BLVRA: variants seen among roughly 807,000 people sequenced by gnomAD.
BLVRA encodes the protein BVR A.
A neutral mutation model predicts 32.8 loss-of-function variants in BLVRA; 22 were observed. The ratio of observed to expected loss-of-function variants is 0.67; its 90% CI spans 0.48 to 0.96. The LOEUF is 0.96. Ranked by LOEUF, BLVRA falls within the 40% of genes least tolerant of loss-of-function variation. The probability of loss-of-function intolerance (pLI) is 0.00; values close to 1 mark genes in which losing one functional copy is unlikely to be tolerated. For synonymous variants in BLVRA, 119 were observed against 141.3 expected, an observed-to-expected ratio of 0.84 and a Z score of 1.12; for missense variants, 323 against 358.1, an observed-to-expected ratio of 0.90 and a Z score of 0.79.
intron 5 of BLVRA, 78 bp from the exon 6 acceptor site, chr7:43,800,387 G>A (rs1239438900): frequency 1.5e-6 from 2 of 1,349,534 alleles, no homozygotes; most frequent in Non-Finnish European, 2.1e-6. Context: ...TGTGTTAGGG[G>A]ATGACAGAGT....
intron 1 of BLVRA, among the ~76,000 whole-genome samples, chr7:43,766,384 C>A (rs906377526): frequency 4.0e-5 from 6 of 150,822 alleles, no homozygotes; most frequent in Non-Finnish European, 8.8e-5. Flanking sequence ...CAGCATAATA[C>A]TAAAAGTTAG....
Position 43,798,197 on chromosome 7 carries a change from CAAAAAAAA to C in BLVRA, c.353-2246_353-2239del, listed in dbSNP as rs56855757. Among the ~76,000 whole-genome samples the C allele has an allele frequency of 3.5e-4, 16 of 45,198 alleles. No homozygotes were observed. The South Asian group carries it at 9.1e-3, about 26-fold the overall frequency. The allele number at this position is 45,198 out of a possible 152,430, so 29.7% of individuals were successfully genotyped here. ...TGACAGAGGGAGACTCCCCATCTCA[CAAAAAAAA>C]AAAAAAAAAAAAAAAAAAAAAGGAA... is the stretch of plus-strand genomic sequence containing the variant. On this transcript the variant is annotated intron_variant, in intron 5 of 7. Coordinates refer to ENST00000265523, the MANE Select transcript of BLVRA (RefSeq NM_000712.4).
chr7:43,771,888 C>A (rs546028078), intron 2 of BLVRA, among the ~76,000 whole-genome samples: 1 of 152,330 alleles, frequency 6.6e-6, no homozygotes, highest in South Asian at 2.1e-4. Flanking sequence ...AGGCTTCATC[C>A]CTCTCCCTAA....
intron 2 of BLVRA, among the ~76,000 whole-genome samples, chr7:43,772,233 G>T (rs2095755383): frequency 6.6e-6 from 1 of 152,244 alleles, no homozygotes; most frequent in African/African-American, 2.4e-5. Context: ...GCATCCTAGG[G>T]CAGGTGCCCA....
intron 3 of BLVRA, among the ~76,000 whole-genome samples, chr7:43,790,034 G>A (rs1448635544): frequency 6.6e-6 from 1 of 152,150 alleles, no homozygotes; most frequent in Non-Finnish European, 1.5e-5. Flanking sequence ...TAGTTTGGGT[G>A]GCCCCATTAA....
chr7:43,773,856 T>C (rs2095757402), intron 2 of BLVRA, among the ~76,000 whole-genome samples: 1 of 152,238 alleles, frequency 6.6e-6, no homozygotes, highest in Non-Finnish European at 1.5e-5. Context: ...TGGCATCTTA[T>C]TGTGGTTTTG....
chr7:43,769,632 A>C (rs1243610906), intron 1 of BLVRA, among the ~76,000 whole-genome samples: 1 of 150,352 alleles, frequency 6.7e-6, no homozygotes, highest in African/African-American at 2.4e-5. Context: ...TTTGAGACAG[A>C]GTCTCACTCT....
chr7:43,806,900 C>T (rs370194284), intron 7 of BLVRA, 77 bp from the exon 8 acceptor site: 90 of 1,546,956 alleles, frequency 5.8e-5, no homozygotes, highest in South Asian at 2.3e-5. Context: ...TGTTACCAGG[C>T]GGTCTGGTGC....
chr7:43,778,497 C>T (rs1480915978), intron 2 of BLVRA, among the ~76,000 whole-genome samples: 2 of 152,190 alleles, frequency 1.3e-5, no homozygotes, highest in Admixed American at 6.5e-5. Context: ...GCAAATGCTG[C>T]TGCCTGATCG....
chr7:43,794,605 C>A (rs918628553), intron 5 of BLVRA, among the ~76,000 whole-genome samples: 3 of 152,048 alleles, frequency 2.0e-5, no homozygotes, highest in Non-Finnish European at 2.9e-5. Flanking sequence ...CGTGGTGGCG[C>A]TTGCCTGTAG....
At chr7:43,759,923 T>C (rs1195534496) in intron 1 of BLVRA, 1 of 151,860 alleles carries the variant, frequency 6.6e-6, no homozygotes, top group Non-Finnish European at 1.5e-5. Context: ...TACAATAGGG[T>C]CTCTAATTAT....
intron 5 of BLVRA, among the ~76,000 whole-genome samples, chr7:43,798,855 G>A (rs921691402): frequency 1.3e-5 from 2 of 151,990 alleles, no homozygotes. Flanking sequence ...TTGAGTGAAC[G>A]ACAGGAAAAC....
chr7:43,788,264 A>G (rs1585731066), intron 3 of BLVRA, among the ~76,000 whole-genome samples: 1 of 152,322 alleles, frequency 6.6e-6, no homozygotes. Flanking sequence ...CAGAGGCAGG[A>G]GGGTGAGCTC....
chr7:43,789,751 C>T (rs905243552), intron 3 of BLVRA, among the ~76,000 whole-genome samples: 1 of 152,134 alleles, frequency 6.6e-6, no homozygotes, highest in African/African-American at 2.4e-5. Flanking sequence ...CCTTCCTGAC[C>T]TACCTGCTAA....
At chr7:43,782,118 G>A (rs186697518) in intron 2 of BLVRA, among the ~76,000 whole-genome samples, 2 of 152,250 alleles carry the variant, frequency 1.3e-5, no homozygotes, top group East Asian at 3.9e-4. Flanking sequence ...GCATCCCCAT[G>A]GCATCTGACT....
chr7:43,765,865 G>T (rs2095747275), intron 1 of BLVRA, among the ~76,000 whole-genome samples: 1 of 152,102 alleles, frequency 6.6e-6, no homozygotes. Context: ...GAGTCACTGG[G>T]GGAAAGGATT....
chr7:43,807,056 T>C lies in BLVRA; in HGVS notation c.712T>C (p.Leu238=), dbSNP rs2095804731. The change falls in exon 8 of 8, where the codon TTG becomes CTG. Residue 238 remains leucine (L), a synonymous_variant. Transcript: ENST00000265523. The part of the protein sequence containing the change: ...YLSFHFKSGS[L]ENVPNVGVNK... The stretch of plus-strand genomic sequence containing the variant: ...AAGCTTCCATTTCAAGTCTGGGTCC[T>C]TGGAGAATGTGCCAAATGTAGGAGT... 3 of 1,614,228 alleles carry C rather than the reference T, an allele frequency of 1.9e-6. No homozygotes were observed. Among genetic ancestry groups the C allele is most frequent in the Non-Finnish European group, 2.5e-6 (3 of 1,180,018 alleles).
At chr7:43,782,369 GT>G (rs2132566089) in intron 2 of BLVRA, among the ~76,000 whole-genome samples, 1 of 152,358 alleles carries the variant, frequency 6.6e-6, no homozygotes, top group Admixed American at 6.5e-5. Flanking sequence ...ATCCCAGGAT[GT>G]TTGTTGAATG....
chr7:43,792,856 A>G (rs761834880), intron 5 of BLVRA, 44 bp downstream of exon 5: 4 of 1,575,798 alleles, frequency 2.5e-6, no homozygotes, highest in Non-Finnish European at 3.5e-6. Flanking sequence ...GATTTCTGTG[A>G]TATCATCTTT....
Sources: gnomAD v4.1 joint callset for allele counts (sites outside exome capture counted in the v4.1 genomes callset) on GRCh38, gnomAD v4.1.1 for gene constraint, MANE v1.5 for transcripts, NCBI Gene and HGNC (gene_info 2026-07-23, HGNC 2026-07-21) for gene names.